The following KCNJ12 variants were observed in gnomAD, a reference collection of about 807,000 sequenced individuals.
KCNJ12 encodes ATP-sensitive inward rectifier potassium channel 12.
In KCNJ12, 2 loss-of-function variants were observed where a neutral mutation model predicts 22.3. The ratio of observed to expected loss-of-function variants is 0.09; its 90% CI spans 0.04 to 0.28. The LOEUF (loss-of-function observed/expected upper bound fraction) is 0.28, where lower values mean the gene tolerates loss of function less well. Among genes scored for constraint, KCNJ12 ranks in the 10% least tolerant of loss-of-function variants. The pLI is 1.00. For synonymous variants in KCNJ12, 117 were observed against 261.4 expected, an observed-to-expected ratio of 0.45 and a Z score of 5.33; for missense variants, 155 against 633.3, an observed-to-expected ratio of 0.24 and a Z score of 8.11.
intron 1 of KCNJ12, among the ~76,000 whole-genome samples, chr17:21,401,533 A>G (rs1446330648): frequency 2.6e-5 from 4 of 152,206 alleles, no homozygotes; most frequent in African/African-American, 9.6e-5. Context: ...TGAGCAGTTC[A>G]TAAGGGAGGA....
chr17:21,394,893 C>T (rs891808850), intron 1 of KCNJ12, among the ~76,000 whole-genome samples: 10 of 152,162 alleles, frequency 6.6e-5, no homozygotes, highest in East Asian at 1.9e-4. Context: ...CCACAGCAAA[C>T]GGGTCCCTGG....
At chr17:21,405,425 C>T (rs1339092059) in intron 1 of KCNJ12, 2 of 152,260 alleles carry the variant, frequency 1.3e-5, no homozygotes, top group Admixed American at 6.5e-5. Context: ...GCTGCCACCT[C>T]CCAGAGACCC....
chr17:21,399,069 A>G (rs901471614), intron 1 of KCNJ12, among the ~76,000 whole-genome samples: 4 of 152,138 alleles, frequency 2.6e-5, no homozygotes, highest in Non-Finnish European at 5.9e-5. Flanking sequence ...GCATTGCTGC[A>G]CTACCCACCC....
chr17:21,378,408 G>A (rs1382744941), intron 1 of KCNJ12, among the ~76,000 whole-genome samples: 1 of 152,214 alleles, frequency 6.6e-6, no homozygotes, highest in African/African-American at 2.4e-5. Context: ...TCACAGCGAA[G>A]TCTGCCCCTC....
intron 1 of KCNJ12, among the ~76,000 whole-genome samples, chr17:21,398,040 C>T (rs1477339680): frequency 1.3e-5 from 2 of 152,284 alleles, no homozygotes; most frequent in Non-Finnish European, 2.9e-5. Flanking sequence ...CCCTGCCACC[C>T]TGCAGCCACT....
intron 1 of KCNJ12, among the ~76,000 whole-genome samples, chr17:21,396,378 G>A (rs1301630452): frequency 6.6e-6 from 1 of 152,182 alleles, no homozygotes; most frequent in Non-Finnish European, 1.5e-5. Context: ...TGCAGACGAC[G>A]TTGATGACCA....
rs1217500296 is a variant in KCNJ12, at chr17:21,419,824, G to GT, written c.*3181dup. On this transcript the variant is annotated 3_prime_UTR_variant, in exon 3 of 3. Transcript: ENST00000583088. ...TCAATACATAGCAGTATCTAAAGAC[G>GT]TAGGCGATGAGACTAGACCACATTA... The GT allele has an allele frequency of 6.0e-6, 1 of 167,518 alleles. No homozygotes were observed. The highest frequency in any genetic ancestry group is 1.9e-4 in the East Asian group (1 of 5,214). The allele number at this position is 167,518 out of a possible 1,614,324, so 10.4% of individuals were successfully genotyped here. A position where few individuals can be genotyped will look rare whatever the true frequency, so the allele number is the denominator to read the frequency against.
chr17:21,416,873 A>C lies in KCNJ12; in HGVS notation c.*229A>C. ...GGCTATCACAGGCTCAGGGCAAAGA[A>C]GTGGCCTCCTGGGGGGCCAGGCCAC... is the stretch of plus-strand genomic sequence containing the variant. On this transcript the variant is annotated 3_prime_UTR_variant, in exon 3 of 3. Coordinates refer to ENST00000583088, the MANE Select transcript of KCNJ12 (RefSeq NM_021012.5). 1 of 653,758 alleles carries C rather than the reference A, an allele frequency of 1.5e-6. No homozygotes were observed. The allele number at this position is 653,758 out of a possible 1,614,324, so 40.5% of individuals were successfully genotyped here. A position where few individuals can be genotyped will look rare whatever the true frequency, so the allele number is the denominator to read the frequency against.
chr17:21,396,203 G>C (rs1905356073), intron 1 of KCNJ12, among the ~76,000 whole-genome samples: 1 of 152,104 alleles, frequency 6.6e-6, no homozygotes, highest in Non-Finnish European at 1.5e-5. Flanking sequence ...TGAGGCTAGA[G>C]CTGAGTGCTA....
chr17:21,415,037 C>T (rs1358450590), intron 2 of KCNJ12, among the ~76,000 whole-genome samples: 6 of 152,300 alleles, frequency 3.9e-5, no homozygotes, highest in Non-Finnish European at 7.3e-5. Flanking sequence ...CCTAAATAGA[C>T]TCTTCAGAGC....
At chr17:21,414,722 A>G (rs1458521982) in intron 2 of KCNJ12, among the ~76,000 whole-genome samples, 1 of 152,312 alleles carries the variant, frequency 6.6e-6, no homozygotes, top group Admixed American at 6.5e-5. Flanking sequence ...GAGGGTGTCC[A>G]GGGTGGGTTT....
intron 1 of KCNJ12, among the ~76,000 whole-genome samples, chr17:21,398,691 T>G (rs1905466706): frequency 6.6e-6 from 1 of 152,222 alleles, no homozygotes; most frequent in African/African-American, 2.4e-5. Flanking sequence ...TCCCAAATCC[T>G]TGACTCAAGA....
chr17:21,383,388 G>C (rs980027742), intron 1 of KCNJ12, among the ~76,000 whole-genome samples: 2 of 152,180 alleles, frequency 1.3e-5, no homozygotes, highest in African/African-American at 2.4e-5. Flanking sequence ...TCCATTCAGG[G>C]CTGGGGGGCG....
chr17:21,396,213 A>G (rs898015282), intron 1 of KCNJ12, among the ~76,000 whole-genome samples: 1 of 152,048 alleles, frequency 6.6e-6, no homozygotes, highest in Admixed American at 6.5e-5. Context: ...GCTGAGTGCT[A>G]CATGCACCTG....
In KCNJ12 at chr17:21,416,611, G is replaced by A; in HGVS notation, c.1269G>A (p.Glu423=). 2 of 1,605,410 alleles carry A rather than the reference G, an allele frequency of 1.2e-6. No individual in the cohort carries two copies. The highest frequency in any genetic ancestry group is 1.7e-6 in the Non-Finnish European group (2 of 1,176,140). Residue 423 remains glutamate (E), a synonymous_variant, in exon 3 of 3, where the codon GAG becomes GAA. Transcript: ENST00000583088. ...TCCAGGCTGGCGGCGGGGTCCTGGA[G>A]CAGCGGCCCTACAGACGGGAGTCAG... ...DRLQAGGGVL[E]QRPYRRESEI
intron 1 of KCNJ12, among the ~76,000 whole-genome samples, chr17:21,407,311 C>T (rs1296646678): frequency 6.5e-4 from 99 of 152,290 alleles, no homozygotes; most frequent in Non-Finnish European, 1.1e-3. Context: ...CATCTATCCA[C>T]CCATCCACTC....
intron 2 of KCNJ12, among the ~76,000 whole-genome samples, chr17:21,412,104 C>T (rs1313826433): frequency 1.3e-5 from 2 of 152,312 alleles, no homozygotes; most frequent in Admixed American, 6.5e-5. Flanking sequence ...CTCCAACTCT[C>T]TCTTCTGCTC....
chr17:21,399,942 C>T (rs76226760), intron 1 of KCNJ12, among the ~76,000 whole-genome samples: 2 of 152,100 alleles, frequency 1.3e-5, no homozygotes, highest in Admixed American at 6.5e-5. Context: ...GTTGCGCAGT[C>T]CCAGTTTACT....
At position 21,419,209 on chromosome 17, in the gene KCNJ12, C is replaced by T. The variant is rs1370951016; in HGVS notation, c.*2565C>T. 8.4e-5 allele frequency: 14 copies of T among 166,804 alleles called. No individual in the cohort carries two copies. In the Admixed American group the frequency reaches 9.2e-4, roughly 11 times the overall value. 10.3% of individuals were successfully genotyped at this position (166,804 alleles called of 1,614,324 possible). A position where few individuals can be genotyped will look rare whatever the true frequency, so the allele number is the denominator to read the frequency against. On this transcript the variant is annotated 3_prime_UTR_variant, in exon 3 of 3. Coordinates refer to ENST00000583088, the MANE Select transcript of KCNJ12 (RefSeq NM_021012.5). Reference sequence around the variant, plus strand: ...TGTGGAGGCGTGTGCCTGTGTGAGCCTGCATGCATACATGTGTGGTGCACA... The same window carrying T: ...TGTGGAGGCGTGTGCCTGTGTGAGCTTGCATGCATACATGTGTGGTGCACA...
Sources: allele counts gnomAD v4.1 joint callset (sites outside exome capture counted in the v4.1 genomes callset), GRCh38; gene constraint gnomAD v4.1.1; transcripts MANE v1.5; gene names NCBI Gene and HGNC (gene_info 2026-07-23, HGNC 2026-07-21).